The following PMS1 variants were observed in gnomAD, a reference collection of about 807,000 sequenced individuals.
PMS1 encodes the protein PMS1 homolog 1, mismatch repair system component, also known as PMS1 protein homolog 1.
PMS1 carries 79 observed loss-of-function variants against 93.1 expected under a neutral mutation model. The observed-to-expected ratio is 0.85, with a 90% confidence interval of 0.71 to 1.02. PMS1 has a LOEUF of 1.02. PMS1 is among the 50% of genes least tolerant of loss of function. PMS1 has a pLI of 0.00. For missense variants in PMS1, 1,064 were observed against 1,085.3 expected, an observed-to-expected ratio of 0.98 and a Z score of 0.28; for synonymous variants, 335 against 363.4, an observed-to-expected ratio of 0.92 and a Z score of 0.89.
At chr2:189,804,174 G>C (rs2050136596) in intron 3 of PMS1, among the ~76,000 whole-genome samples, 1 of 152,042 alleles carries the variant, frequency 6.6e-6, no homozygotes. Flanking sequence ...AGAGTTCCAG[G>C]GCCGCCTTTG....
chr2:189,816,165 G>A (rs2051279470), intron 4 of PMS1, among the ~76,000 whole-genome samples: 1 of 152,150 alleles, frequency 6.6e-6, no homozygotes, highest in Admixed American at 6.5e-5. Context: ...CCAAGTAGTT[G>A]GGATTATAGG....
chr2:189,810,305 A>G (rs2050723808), intron 4 of PMS1, among the ~76,000 whole-genome samples: 1 of 152,208 alleles, frequency 6.6e-6, no homozygotes, highest in Non-Finnish European at 1.5e-5. Context: ...AATTTTAAAA[A>G]CTTGTAGTCT....
intron 9 of PMS1, chr2:189,857,598 CCTTT>C (rs901601171): frequency 4.9e-6 from 2 of 404,444 alleles, no homozygotes; most frequent in Non-Finnish European, 1.0e-5. Context: ...TTTTCCTTTT[CCTTT>C]CTTCTTCTCT....
chr2:189,870,596 G>A (rs995084567), intron 11 of PMS1, among the ~76,000 whole-genome samples: 6 of 152,078 alleles, frequency 3.9e-5, no homozygotes, highest in African/African-American at 1.4e-4. Flanking sequence ...CTTATTCGTT[G>A]CCAAGTACCT....
At chr2:189,806,209 A>G (rs1355736783) in intron 4 of PMS1, 1 of 279,962 alleles carries the variant, frequency 3.6e-6, no homozygotes, top group Admixed American at 4.9e-5. Context: ...TACTGTACTT[A>G]TCACTCAGTT....
intron 5 of PMS1, among the ~76,000 whole-genome samples, chr2:189,822,576 G>A (rs764830837): frequency 1.3e-5 from 2 of 152,106 alleles, no homozygotes; most frequent in Non-Finnish European, 2.9e-5. Context: ...TGTGACTCTA[G>A]GACAGATTGT....
intron 1 of PMS1, among the ~76,000 whole-genome samples, chr2:189,790,117 C>T (rs529166916): frequency 8.5e-5 from 13 of 152,138 alleles, no homozygotes; most frequent in South Asian, 6.2e-4. Flanking sequence ...AAAATAATGT[C>T]GTAGGCAGAA....
At position 189,853,951 on chromosome 2, in the gene PMS1, C is replaced by A; in HGVS notation, c.835C>A (p.His279Asn). 6.3e-7 allele frequency: 1 copy of A among 1,578,756 alleles called. No homozygotes were observed. Among genetic ancestry groups the A allele is most frequent in the Non-Finnish European group, 8.7e-7 (1 of 1,153,814 alleles). ...CATGTATTTCTAGTTAATCCGACAT[C>A]ATTACAATCTGAAATGCCTAAAGGA... The part of the protein sequence containing the change: ...QKDILKLIRH[H>N]YNLKCLKEST... The change falls in exon 8 of 13, where the codon CAT becomes AAT. Residue 279 changes from histidine (H) to asparagine (N), a missense_variant. Coordinates refer to ENST00000441310, the MANE Select transcript of PMS1 (RefSeq NM_000534.5).
chr2:189,855,191 T>A, intron 9 of PMS1, 63 bp downstream of exon 9: 1 of 1,392,138 alleles, frequency 7.2e-7, no homozygotes, highest in Non-Finnish European at 1.0e-6. Context: ...TATGACTCAC[T>A]GTTTAAAAAG....
chr2:189,797,223 T>A (rs5742990), intron 3 of PMS1, among the ~76,000 whole-genome samples: 3 of 152,224 alleles, frequency 2.0e-5, no homozygotes, highest in African/African-American at 7.2e-5. Context: ...GAGATGTGAA[T>A]TGACTTGGTC....
chr2:189,795,701 G>A (rs1336222526), intron 2 of PMS1, 68 bp from the exon 3 acceptor site: 10 of 1,249,220 alleles, frequency 8.0e-6, no homozygotes, highest in African/African-American at 1.5e-5. Flanking sequence ...TTTCACTTGT[G>A]TTTCTTTCTA....
chr2:189,797,965 C>T (rs1001099404), intron 3 of PMS1, among the ~76,000 whole-genome samples: 2 of 152,132 alleles, frequency 1.3e-5, no homozygotes, highest in South Asian at 2.1e-4. Context: ...TATTGTAAAT[C>T]GAAAATGCAT....
At chr2:189,784,913 A>G (rs1417151416) in intron 1 of PMS1, 2 of 152,228 alleles carry the variant, frequency 1.3e-5, no homozygotes, top group South Asian at 2.1e-4. Flanking sequence ...GTGGCGGTTT[A>G]TAGTATTGTA....
intron 5 of PMS1, among the ~76,000 whole-genome samples, chr2:189,827,623 AT>A (rs142086954): frequency 0.025 from 3,770 of 152,304 alleles, 180 homozygotes; most frequent in African/African-American, 0.086. Flanking sequence ...AGAAAATATC[AT>A]GTGTATCCAC....
chr2:189,863,587 T>C (rs2056267183), intron 9 of PMS1, among the ~76,000 whole-genome samples, 156 bp from the exon 10 acceptor site: 1 of 152,190 alleles, frequency 6.6e-6, no homozygotes, highest in Non-Finnish European at 1.5e-5. Context: ...TGTTCAGTGT[T>C]TGTCATAGTT....
chr2:189,847,574 T>A (rs1366818825), intron 6 of PMS1, among the ~76,000 whole-genome samples: 1 of 152,208 alleles, frequency 6.6e-6, no homozygotes, highest in Non-Finnish European at 1.5e-5. Context: ...TGTTTTTGTT[T>A]TTAAATTATT....
chr2:189,859,284 A>C (rs1473556696), intron 9 of PMS1, among the ~76,000 whole-genome samples: 1 of 152,206 alleles, frequency 6.6e-6, no homozygotes, highest in Non-Finnish European at 1.5e-5. Flanking sequence ...CTCACAACAA[A>C]ACTGAAGTAG....
chr2:189,785,337 CT>C (rs968561593), intron 1 of PMS1: 2 of 152,114 alleles, frequency 1.3e-5, no homozygotes, highest in African/African-American at 4.8e-5. Context: ...ATCTTTACTT[CT>C]TTTTTAGGCA....
chr2:189,828,128 A>G (rs903598213), intron 5 of PMS1, among the ~76,000 whole-genome samples: 5 of 151,806 alleles, frequency 3.3e-5, no homozygotes, highest in Admixed American at 6.6e-5. Flanking sequence ...GTTTCACCAT[A>G]TTAGCCAGGA....
Sources: gnomAD v4.1 joint callset for allele counts (sites outside exome capture counted in the v4.1 genomes callset) on GRCh38, gnomAD v4.1.1 for gene constraint, MANE v1.5 for transcripts, NCBI Gene and HGNC (gene_info 2026-07-23, HGNC 2026-07-21) for gene names.